Variants in MOK observed in about 807,000 individuals in gnomAD.
The protein encoded by MOK is MOK protein kinase.
A neutral mutation model predicts 54.2 loss-of-function variants in MOK; 59 were observed. That is an observed-to-expected ratio of 1.09 (90% CI 0.88 to 1.35). MOK has a LOEUF of 1.35. Among genes scored for constraint, MOK ranks in the 40% most tolerant of loss-of-function variants. The pLI, the probability that MOK is intolerant of heterozygous loss-of-function variation, is 0.00. For missense variants in MOK, 517 were observed against 526.2 expected, an observed-to-expected ratio of 0.98 and a Z score of 0.17; for synonymous variants, 210 against 202.7, an observed-to-expected ratio of 1.04 and a Z score of -0.31.
intron 2 of MOK, among the ~76,000 whole-genome samples, chr14:102,267,436 C>T (rs748772656): frequency 4.6e-5 from 7 of 152,256 alleles, no homozygotes; most frequent in South Asian, 4.1e-4. Flanking sequence ...CGCAGTGGCA[C>T]GTGCCTGTAA....
At chr14:102,222,907 T>G, downstream of MOK, 1 of 1,613,632 alleles carries the variant, frequency 6.2e-7, no homozygotes, top group South Asian at 1.1e-5. This position sits in a 1 kb window ranked among gnomAD's most constrained non-coding sequence, Gnocchi z 4.4. Flanking sequence ...GCGCGCACAG[T>G]CTCCCGGGAC....
chr14:102,255,339 T>TA (rs986270742), intron 4 of MOK, among the ~76,000 whole-genome samples: 4 of 150,272 alleles, frequency 2.7e-5, no homozygotes, highest in East Asian at 1.9e-4. Context: ...AAATAAAATT[T>TA]AAAAAAAAAG....
Position 102,232,222 on chromosome 14 carries a change from C to T in MOK, c.866+313G>A, listed in dbSNP as rs1158445382. The T allele has an allele frequency of 2.7e-6, 1 of 365,774 alleles. No homozygotes were observed. Among genetic ancestry groups the T allele is most frequent in the South Asian group, 7.1e-5 (1 of 14,024 alleles). The allele number at this position is 365,774 out of a possible 1,614,324, so 22.7% of individuals were successfully genotyped here. ...ACCATCTCAGAATGCATCCTGTTCA[C>T]ACCATTTACAAGGGCCGCACACCAG... is the stretch of plus-strand genomic sequence containing the variant. On this transcript the variant is annotated intron_variant, in intron 9 of 11. Coordinates refer to ENST00000361847, the MANE Select transcript of MOK (RefSeq NM_014226.3). This position sits in a 1 kb window ranked among gnomAD's most constrained non-coding sequence, Gnocchi z 5.1.
At chr14:102,290,497 G>C (rs1224001204) in intron 1 of MOK, among the ~76,000 whole-genome samples, 3 of 151,988 alleles carry the variant, frequency 2.0e-5, no homozygotes, top group Non-Finnish European at 4.4e-5. Flanking sequence ...AACAAAAAAG[G>C]CTTGGGGAAT....
intron 4 of MOK, 45 bp from the exon 5 acceptor site, chr14:102,252,040 T>A (rs777883483): frequency 9.6e-7 from 1 of 1,040,530 alleles, no homozygotes. Context: ...TGATGGTACA[T>A]ATCCTCTTTT....
In MOK at chr14:102,232,347, T is replaced by C; in HGVS notation, c.866+188A>G. On this transcript the variant is annotated intron_variant, in intron 9 of 11. Transcript: ENST00000361847. The surrounding 1 kb of genome is among the most constrained non-coding windows in gnomAD (Gnocchi z 5.1). ...CCGTGGAGCTGCTAACATCCTCATT[T>C]TGGGGAGGATACACCAGAAGGCAGC... 1.8e-6 allele frequency: 1 copy of C among 552,782 alleles called. No homozygotes were observed. Among genetic ancestry groups the C allele is most frequent in the Non-Finnish European group, 3.0e-6 (1 of 334,802 alleles). 34.2% of individuals were successfully genotyped at this position (552,782 alleles called of 1,614,324 possible). A position where few individuals can be genotyped will look rare whatever the true frequency, so the allele number is the denominator to read the frequency against.
chr14:102,229,390 C>T, intron 11 of MOK, 24 bp from the exon 12 acceptor site: 1 of 1,614,208 alleles, frequency 6.2e-7, no homozygotes, highest in Non-Finnish European at 8.5e-7. Flanking sequence ...ATTACAGACA[C>T]AAAATTCAGT....
intron 3 of MOK, chr14:102,264,668 C>T (rs2153136203): frequency 6.6e-6 from 1 of 152,314 alleles, no homozygotes; most frequent in South Asian, 2.1e-4. Flanking sequence ...TGGACCTGGC[C>T]CAAATTGACT....
intron 4 of MOK, chr14:102,260,797 T>C (rs1191738676): frequency 1.3e-5 from 2 of 152,056 alleles, no homozygotes; most frequent in Non-Finnish European, 2.9e-5. Context: ...CCTCTACTAC[T>C]GAAAATAAAT....
At chr14:102,296,911 A>G (rs2153191050) in intron 1 of MOK, among the ~76,000 whole-genome samples, 1 of 151,990 alleles carries the variant, frequency 6.6e-6, no homozygotes, top group Non-Finnish European at 1.5e-5. Flanking sequence ...TACAAAAATT[A>G]CCCAGGCGTG....
At position 102,251,927 on chromosome 14, in the gene MOK, G is replaced by A. The variant is rs2153111091; in HGVS notation, c.352C>T (p.His118Tyr). Residue 118 changes from histidine to tyrosine, a missense_variant, in exon 5 of 12, where the codon CAT becomes TAT. Physicochemically the swap from His to Tyr is moderately conservative, Grantham distance 83. Transcript: ENST00000361847. ...YMYQLCKSLD[H>Y]IHRNGIFHRD... ...TCTCCGAGAGCATACCTGTGAATAT[G>A]ATCCAGGGACTTACATAACTGGTAC... 1 of 1,602,702 alleles carries A rather than the reference G, an allele frequency of 6.2e-7. No individual in the cohort carries two copies. The highest frequency in any genetic ancestry group is 8.5e-7 in the Non-Finnish European group (1 of 1,170,974).
At chr14:102,272,739 T>G (rs1409005180) in intron 2 of MOK, among the ~76,000 whole-genome samples, 4 of 152,186 alleles carry the variant, frequency 2.6e-5, no homozygotes, top group African/African-American at 9.7e-5. Context: ...CAGCAAGCTA[T>G]TCATGAAAGG....
chr14:102,242,990 C>T (rs2065832798), intron 7 of MOK, among the ~76,000 whole-genome samples: 2 of 152,146 alleles, frequency 1.3e-5, no homozygotes, highest in South Asian at 4.1e-4. Flanking sequence ...TGCTGCAAGG[C>T]TTCATGGACA....
chr14:102,294,321 G>A (rs534939150), intron 1 of MOK, among the ~76,000 whole-genome samples: 4 of 151,444 alleles, frequency 2.6e-5, no homozygotes, highest in African/African-American at 4.9e-5. Flanking sequence ...TGGTGGGCAC[G>A]TGTAGTCCCA....
At chr14:102,223,644 A>G (rs1040347160), downstream of MOK, 15 of 152,766 alleles carry the variant, frequency 9.8e-5, no homozygotes, top group Middle Eastern at 3.4e-3. Context: ...CTAATTCACA[A>G]AAGTTAATAT....
At position 102,245,323 on chromosome 14, in the gene MOK, A is replaced by AC. The variant is rs201162285; in HGVS notation, c.590+5488dup. Among the ~76,000 whole-genome samples the AC allele has an allele frequency of 0.016, 2,347 of 147,914 alleles. 68 individuals are homozygous for AC. The highest frequency in any genetic ancestry group is 0.055 in the African/African-American group (2,201 of 39,864). On this transcript the variant is annotated intron_variant, in intron 7 of 11. Coordinates refer to ENST00000361847, the MANE Select transcript of MOK (RefSeq NM_014226.3). This position sits in a 1 kb window ranked among gnomAD's most constrained non-coding sequence, Gnocchi z 4.3. ...ACATCGCCCATTATCTCTTCATACC[A>AC]CCCCCCCAAAAATTTTCACTGCCCC... is the stretch of plus-strand genomic sequence containing the variant.
chr14:102,294,625 A>G (rs570009999), intron 1 of MOK, among the ~76,000 whole-genome samples: 1 of 148,030 alleles, frequency 6.8e-6, no homozygotes, highest in Admixed American at 6.8e-5. Flanking sequence ...TCTCAAAAAG[A>G]AAAAAAAAAG....
chr14:102,297,035 G>T (rs1302882675), intron 1 of MOK, among the ~76,000 whole-genome samples: 7 of 143,036 alleles, frequency 4.9e-5, no homozygotes, highest in South Asian at 2.3e-4. Context: ...TCCAGCCTGG[G>T]CAACACAGCG....
chr14:102,287,820 ATTTT>A (rs71116893), intron 1 of MOK, among the ~76,000 whole-genome samples: 4 of 117,920 alleles, frequency 3.4e-5, no homozygotes, highest in South Asian at 2.6e-4. Context: ...GTTCTTTGAG[ATTTT>A]TTTTTTTTTT....
Sources: allele counts gnomAD v4.1 joint callset (sites outside exome capture counted in the v4.1 genomes callset), GRCh38; gene constraint gnomAD v4.1.1; non-coding constraint Gnocchi (gnomAD v3.1); transcripts MANE v1.5; gene names NCBI Gene and HGNC (gene_info 2026-07-23, HGNC 2026-07-21).